The following ZBTB20 variants were observed in gnomAD, a reference collection of about 807,000 sequenced individuals.
ZBTB20 encodes zinc finger and BTB domain containing 20.
In ZBTB20, 9 loss-of-function variants were observed where a neutral mutation model predicts 56.9. The observed-to-expected ratio is 0.16, with a 90% CI of 0.10 to 0.28. The LOEUF (loss-of-function observed/expected upper bound fraction) is 0.28, where lower values mean the gene tolerates loss of function less well. Among genes scored for constraint, ZBTB20 ranks in the 10% least tolerant of loss-of-function variants. The pLI, the probability that ZBTB20 is intolerant of heterozygous loss-of-function variation, is 1.00. For missense variants in ZBTB20, 655 were observed against 1,003.0 expected, an observed-to-expected ratio of 0.65 and a Z score of 4.69; for synonymous variants, 417 against 420.7, an observed-to-expected ratio of 0.99 and a Z score of 0.11.
rs572243703 is a variant in ZBTB20 at position 114,818,575 on chromosome 3, G to T, written c.-416-17401C>A. On this transcript the variant is annotated intron_variant, in intron 4 of 11. Coordinates refer to ENST00000675478, the MANE Select transcript of ZBTB20 (RefSeq NM_001348800.3). ...CATCTCAAGAAAAGTCTATGTCCATGAGTTACAATTGGACAATATTTACCA... is the reference window on the plus strand; with the variant it reads ...CATCTCAAGAAAAGTCTATGTCCATTAGTTACAATTGGACAATATTTACCA... Among the ~76,000 whole-genome samples, 27 of 151,954 alleles carry T rather than the reference G, an allele frequency of 1.8e-4. No homozygotes were observed. In the East Asian group the frequency reaches 5.0e-3, roughly 28 times the overall value.
intron 6 of ZBTB20, among the ~76,000 whole-genome samples, chr3:114,651,837 T>G (rs996846387): frequency 6.6e-6 from 1 of 152,060 alleles, no homozygotes; most frequent in African/African-American, 2.4e-5. Context: ...ACCTTGAACA[T>G]TCTCCAGATT....
intron 6 of ZBTB20, among the ~76,000 whole-genome samples, chr3:114,612,634 C>A (rs1045079587): frequency 1.3e-5 from 2 of 152,066 alleles, no homozygotes; most frequent in African/African-American, 4.8e-5. Flanking sequence ...TTCTTTTTTA[C>A]GTGATATTCA....
At chr3:114,715,974 T>C (rs931032911) in intron 5 of ZBTB20, among the ~76,000 whole-genome samples, 1 of 152,200 alleles carries the variant, frequency 6.6e-6, no homozygotes, top group African/African-American at 2.4e-5. Flanking sequence ...TCCAATGTTC[T>C]AACCTCTGAG....
At chr3:114,719,918 A>G (rs973496001) in intron 5 of ZBTB20, among the ~76,000 whole-genome samples, 1 of 152,064 alleles carries the variant, frequency 6.6e-6, no homozygotes, top group Non-Finnish European at 1.5e-5. Context: ...CATTAAAAAA[A>G]TCCTCCCAGT....
At position 114,853,258 on chromosome 3, in the gene ZBTB20, G is replaced by A. The variant is rs370407533; in HGVS notation, c.-417+47046C>T. On this transcript the variant is annotated intron_variant, in intron 4 of 11. Transcript: ENST00000675478. ...CCTCACACTTTCCTGTTGCATGTAA[G>A]TAACTGGAGCATGTGTCCATCAACT... is the stretch of plus-strand genomic sequence containing the variant. Among the ~76,000 whole-genome samples the A allele has an allele frequency of 7.2e-5, 11 of 152,286 alleles. No individual in the cohort carries two copies. The South Asian group carries it at 1.0e-3, about 14-fold the overall frequency.
chr3:114,651,314 A>G (rs1560086077), intron 6 of ZBTB20, among the ~76,000 whole-genome samples: 1 of 152,056 alleles, frequency 6.6e-6, no homozygotes, highest in Non-Finnish European at 1.5e-5. Context: ...CACTTAAGAA[A>G]GCTAAAAACA....
intron 2 of ZBTB20, among the ~76,000 whole-genome samples, chr3:115,007,834 C>T (rs1440845638): frequency 1.3e-5 from 2 of 151,890 alleles, no homozygotes; most frequent in Non-Finnish European, 2.9e-5. Context: ...TATATTTTGA[C>T]TTGACCTTAC....
At chr3:114,624,026 G>C (rs996461940) in intron 6 of ZBTB20, 1 of 152,070 alleles carries the variant, frequency 6.6e-6, no homozygotes, top group Non-Finnish European at 1.5e-5. Flanking sequence ...TTGTTTGTTT[G>C]TTTTAAAAAC....
At chr3:114,515,783 C>T (rs1056035782) in intron 6 of ZBTB20, among the ~76,000 whole-genome samples, 1 of 152,142 alleles carries the variant, frequency 6.6e-6, no homozygotes, top group Non-Finnish European at 1.5e-5. Flanking sequence ...GTTACTTTTC[C>T]TTTCTTTTGT....
At chr3:114,988,295 C>T (rs1240961898) in intron 2 of ZBTB20, among the ~76,000 whole-genome samples, 6 of 147,230 alleles carry the variant, frequency 4.1e-5, no homozygotes, top group Non-Finnish European at 7.5e-5. Flanking sequence ...GTTCCCCTTC[C>T]GGTGTCCACG....
At chr3:114,920,132 A>G (rs2075901757) in intron 3 of ZBTB20, among the ~76,000 whole-genome samples, 1 of 152,208 alleles carries the variant, frequency 6.6e-6, no homozygotes, top group Admixed American at 6.5e-5. Flanking sequence ...TATAAATTAA[A>G]TGTTAACAGA....
intron 6 of ZBTB20, among the ~76,000 whole-genome samples, chr3:114,549,902 T>C (rs1374821849): frequency 6.6e-6 from 1 of 152,088 alleles, no homozygotes; most frequent in Non-Finnish European, 1.5e-5. Flanking sequence ...TTCCTCAATT[T>C]TCCTTCCATA....
chr3:115,101,032 C>T (rs550329297), intron 1 of ZBTB20, among the ~76,000 whole-genome samples: 41 of 152,316 alleles, frequency 2.7e-4, no homozygotes, highest in African/African-American at 9.9e-4. Flanking sequence ...AATTAAGTAA[C>T]TAATAGGCTA....
chr3:114,511,006 A>C (rs1377220674), intron 6 of ZBTB20, among the ~76,000 whole-genome samples: 3 of 152,080 alleles, frequency 2.0e-5, no homozygotes, highest in Non-Finnish European at 2.9e-5. Context: ...AAAAGAAAAA[A>C]AAAAGTGAAC....
At chr3:115,129,098 C>CAA (rs910104429) in intron 1 of ZBTB20, among the ~76,000 whole-genome samples, 1 of 140,776 alleles carries the variant, frequency 7.1e-6, no homozygotes, top group Non-Finnish European at 1.6e-5. Flanking sequence ...GACTCCGTCT[C>CAA]AAAAAAAAAA....
At chr3:114,978,973 G>T (rs1340534553) in intron 2 of ZBTB20, among the ~76,000 whole-genome samples, 1 of 151,496 alleles carries the variant, frequency 6.6e-6, no homozygotes, top group African/African-American at 2.4e-5. Context: ...CTTTTTAACT[G>T]CATAGATTTT....
chr3:115,051,493 C>CT (rs1368992475), intron 2 of ZBTB20, among the ~76,000 whole-genome samples: 1 of 151,926 alleles, frequency 6.6e-6, no homozygotes, highest in Non-Finnish European at 1.5e-5. Flanking sequence ...TTAAGAGGTT[C>CT]TTTTTTAAAT....
rs888342944 is a variant in ZBTB20, at chr3:114,316,385, C to T, written c.*22620G>A. On this transcript the variant is annotated 3_prime_UTR_variant, in exon 12 of 12. Coordinates refer to ENST00000675478, the MANE Select transcript of ZBTB20 (RefSeq NM_001348800.3). ...CAAGAGTCCAACCTTGTTTCCTCTG[C>T]TGCTGTTTGTGTAGCATCTGGTTTT... The T allele has an allele frequency of 6.9e-6, 3 of 435,834 alleles. No individual in the cohort carries two copies. The highest frequency in any genetic ancestry group is 6.4e-5 in the African/African-American group (3 of 47,012). The allele number at this position is 435,834 out of a possible 1,614,324, so 27.0% of individuals were successfully genotyped here.
intron 6 of ZBTB20, among the ~76,000 whole-genome samples, chr3:114,609,681 T>C (rs1560031650): frequency 6.6e-6 from 1 of 152,116 alleles, no homozygotes; most frequent in Non-Finnish European, 1.5e-5. Context: ...TGGAGCACAA[T>C]AATTTTTTCC....
Sources: gnomAD v4.1 joint callset for allele counts (sites outside exome capture counted in the v4.1 genomes callset) on GRCh38, gnomAD v4.1.1 for gene constraint, MANE v1.5 for transcripts, NCBI Gene and HGNC (gene_info 2026-07-23, HGNC 2026-07-21) for gene names.